Variants in INVS observed in about 807,000 individuals in gnomAD.
INVS encodes the protein inversin.
INVS carries 86 observed loss-of-function variants against 108.8 expected under a neutral mutation model. That is an observed-to-expected ratio of 0.79 (90% CI 0.66 to 0.95). The LOEUF (loss-of-function observed/expected upper bound fraction) is 0.95. INVS is among the 40% of genes least tolerant of loss of function. INVS has a pLI of 0.00. For missense variants in INVS, 1,169 were observed against 1,297.4 expected, an observed-to-expected ratio of 0.90 and a Z score of 1.52; for synonymous variants, 455 against 473.5, an observed-to-expected ratio of 0.96 and a Z score of 0.51.
At chr9:100,142,273 G>A (rs1044679518) in intron 3 of INVS, among the ~76,000 whole-genome samples, 1 of 152,180 alleles carries the variant, frequency 6.6e-6, no homozygotes, top group Non-Finnish European at 1.5e-5. Context: ...AAATATTGAC[G>A]CATAGTCCTT....
At chr9:100,204,585 A>G (rs1394185118) in intron 3 of INVS, among the ~76,000 whole-genome samples, 6 of 152,168 alleles carry the variant, frequency 3.9e-5, no homozygotes, top group Admixed American at 2.6e-4. Context: ...ATTCTCACAA[A>G]ATTCTTCAAT....
intron 3 of INVS, among the ~76,000 whole-genome samples, chr9:100,173,958 AGGT>A (rs1588060556): frequency 6.6e-6 from 1 of 152,356 alleles, no homozygotes; most frequent in East Asian, 1.9e-4. Context: ...GGTTCAGCCA[AGGT>A]ATCTGCCTGC....
Position 100,213,116 on chromosome 9 carries a change from G to A in INVS, c.274-12946G>A, listed in dbSNP as rs139353965. Among the ~76,000 whole-genome samples the A allele has an allele frequency of 3.2e-3, 470 of 148,512 alleles. 1 individual carries two copies. The highest frequency in any genetic ancestry group is 0.025 in the Middle Eastern group (7 of 284). ...TTAGGGGTACTAATCCCATTTATGA[G>A]CTCCACCCTCGTGATGTAATCATCT... On this transcript the variant is annotated intron_variant, in intron 3 of 16. Coordinates refer to ENST00000262457, the MANE Select transcript of INVS (RefSeq NM_014425.5).
rs571164374 is a variant in INVS, at chr9:100,276,554, G to A, written c.1784+3478G>A. On this transcript the variant is annotated intron_variant, in intron 12 of 16. Coordinates refer to ENST00000262457, the MANE Select transcript of INVS (RefSeq NM_014425.5). Reference sequence around the variant, plus strand: ...GAGACAGAGTCTTTCTGTCATCCAGGCTGGAGTGCAGTGGCTCGATCTCAG... The same window carrying A: ...GAGACAGAGTCTTTCTGTCATCCAGACTGGAGTGCAGTGGCTCGATCTCAG... 3.9e-5 allele frequency among the ~76,000 whole-genome samples: 6 copies of A among 152,128 alleles called. No individual in the cohort carries two copies. In the East Asian group the frequency reaches 1.2e-3, roughly 29 times the overall value.
rs1958178376 is a variant in INVS at position 100,297,098 on chromosome 9, A to T, written c.2968A>T (p.Thr990Ser). ...SKAPKSPSKG[T>S]SGTKSTKHSV... is the part of the protein sequence containing the mutation. ...GGCCCCCAAGAGTCCATCCAAGGGC[A>T]CCTCAGGCACAAAGTCCACCAAGCA... is the stretch of plus-strand genomic sequence containing the variant. The change falls in exon 15 of 17, where the codon ACC becomes TCC. Residue 990 changes from threonine (T) to serine (S), a missense_variant. Thr to Ser is a moderately conservative substitution (Grantham distance 58). Transcript: ENST00000262457. 1 of 1,613,960 alleles carries T rather than the reference A, an allele frequency of 6.2e-7. No individual in the cohort carries two copies. The highest frequency in any genetic ancestry group is 1.3e-5 in the African/African-American group (1 of 74,906).
chr9:100,099,402 C>T lies in INVS; in HGVS notation c.-39C>T, dbSNP rs1826740551. The stretch of plus-strand genomic sequence containing the variant: ...TGGAGCCGCCCCCGGGACGTCAGTC[C>T]TGGAGGAGGCGAGGGTGAGTAGGAG... On this transcript the variant is annotated 5_prime_UTR_variant, in exon 1 of 17. Transcript: ENST00000262457. The T allele has an allele frequency of 6.5e-6, 1 of 153,480 alleles. No individual in the cohort carries two copies. The highest frequency in any genetic ancestry group is 2.4e-5 in the African/African-American group (1 of 41,460). The allele number at this position is 153,480 out of a possible 1,614,324, so 9.5% of individuals were successfully genotyped here.
intron 11 of INVS, among the ~76,000 whole-genome samples, chr9:100,269,072 A>G (rs989084286): frequency 2.0e-5 from 3 of 152,206 alleles, no homozygotes; most frequent in Admixed American, 6.5e-5. Flanking sequence ...GATTTAAGAA[A>G]CAGTTTTATT....
In INVS at chr9:100,193,461, A is replaced by G. The variant is rs148874354; in HGVS notation, c.274-32601A>G. 2.5e-4 allele frequency among the ~76,000 whole-genome samples: 38 copies of G among 152,210 alleles called. No homozygotes were observed. In the East Asian group the frequency reaches 7.1e-3, roughly 29 times the overall value. On this transcript the variant is annotated intron_variant, in intron 3 of 16. Transcript: ENST00000262457. ...CCACTATTCCTTCTGCGTATTTAGTATTTTCTTGAATGTAATTGATATGTA... is the reference window on the plus strand; with the variant it reads ...CCACTATTCCTTCTGCGTATTTAGTGTTTTCTTGAATGTAATTGATATGTA...
intron 3 of INVS, among the ~76,000 whole-genome samples, chr9:100,189,997 T>G (rs1342507559): frequency 6.6e-6 from 1 of 152,224 alleles, no homozygotes; most frequent in African/African-American, 2.4e-5. Flanking sequence ...TGTCTAGTGC[T>G]GTCAGTGGAG....
intron 3 of INVS, among the ~76,000 whole-genome samples, chr9:100,135,638 G>A (rs1404780769): frequency 6.6e-6 from 1 of 152,132 alleles, no homozygotes; most frequent in Non-Finnish European, 1.5e-5. Flanking sequence ...AGCTCTTGAT[G>A]ACATGACTCA....
rs1833974546 is a variant in INVS, at chr9:100,301,673, G to GTGA, written c.*1001_*1003dup. Among the ~76,000 whole-genome samples the GTGA allele has an allele frequency of 6.6e-6, 1 of 151,676 alleles. No homozygotes were observed. Among genetic ancestry groups the GTGA allele is most frequent in the African/African-American group, 2.4e-5 (1 of 40,952 alleles). On this transcript the variant is annotated 3_prime_UTR_variant, in exon 17 of 17. Coordinates refer to ENST00000262457, the MANE Select transcript of INVS (RefSeq NM_014425.5). ...AGAATATTGACAGTAGGCATAAACA[G>GTGA]TGATATATTTTACTCACAGGTATTT...
chr9:100,162,787 A>T (rs1829231243), intron 3 of INVS, among the ~76,000 whole-genome samples: 1 of 151,600 alleles, frequency 6.6e-6, no homozygotes, highest in Middle Eastern at 3.4e-3. Context: ...AGATCATGCC[A>T]CTGCACTCCA....
rs1220121730 is a variant in INVS, at chr9:100,106,711, G to T, written c.106+2084G>T. 4.6e-5 allele frequency among the ~76,000 whole-genome samples: 7 copies of T among 152,110 alleles called. No individual in the cohort carries two copies. The East Asian group carries it at 1.3e-3, about 29-fold the overall frequency. On this transcript the variant is annotated intron_variant, in intron 2 of 16. Transcript: ENST00000262457. ...CATTTAGGTATACTGCCAGGCCTTGGTTCTTCCATTCTCAACATGATGCTT... is the reference window on the plus strand; with the variant it reads ...CATTTAGGTATACTGCCAGGCCTTGTTTCTTCCATTCTCAACATGATGCTT...
intron 3 of INVS, among the ~76,000 whole-genome samples, chr9:100,144,590 C>G (rs534344328): frequency 2.8e-4 from 42 of 152,278 alleles, no homozygotes; most frequent in African/African-American, 1.0e-3. Flanking sequence ...ATGCCTTTAG[C>G]TCCAGCCACT....
At chr9:100,177,348 C>T (rs189959720) in intron 3 of INVS, among the ~76,000 whole-genome samples, 17 of 152,286 alleles carry the variant, frequency 1.1e-4, no homozygotes, top group South Asian at 6.2e-4. Flanking sequence ...CCCACTCCCA[C>T]GGAGCCCAGC....
At chr9:100,185,348 C>A (rs1344042404) in intron 3 of INVS, among the ~76,000 whole-genome samples, 1 of 151,476 alleles carries the variant, frequency 6.6e-6, no homozygotes, top group African/African-American at 2.4e-5. Context: ...TTAGGCAACA[C>A]CAGAAAGTTC....
chr9:100,253,978 T>G (rs1393458346), intron 10 of INVS, among the ~76,000 whole-genome samples: 5 of 152,258 alleles, frequency 3.3e-5, no homozygotes, highest in East Asian at 1.9e-4. Context: ...CTAGATCCTT[T>G]AGGAGTCGCC....
chr9:100,154,632 C>A (rs1280657891), intron 3 of INVS, among the ~76,000 whole-genome samples: 1 of 151,832 alleles, frequency 6.6e-6, no homozygotes, highest in East Asian at 1.9e-4. Flanking sequence ...GTATGATATT[C>A]TCTATTTTAT....
rs1832262111 is a variant in INVS, at chr9:100,252,325, A to G, written c.1121A>G (p.Lys374Arg). ...AALSGHVSTV[K>R]LLLENNAQVD... is the part of the protein sequence containing the mutation. Reference sequence around the variant, plus strand: ...CTTTCTGGCCATGTCAGCACCGTGAAGTTATTACTGGAAAATAATGCTCAA... The same window carrying G: ...CTTTCTGGCCATGTCAGCACCGTGAGGTTATTACTGGAAAATAATGCTCAA... Residue 374 changes from lysine to arginine, a missense_variant, in exon 9 of 17, where the codon AAG becomes AGG. Physicochemically the swap from Lys to Arg is conservative, Grantham distance 26 (BLOSUM62 2). Coordinates refer to ENST00000262457, the MANE Select transcript of INVS (RefSeq NM_014425.5). 6.2e-7 allele frequency: 1 copy of G among 1,614,106 alleles called. No individual in the cohort carries two copies. The highest frequency in any genetic ancestry group is 8.5e-7 in the Non-Finnish European group (1 of 1,179,966).
Sources: allele counts gnomAD v4.1 joint callset (sites outside exome capture counted in the v4.1 genomes callset), GRCh38; gene constraint gnomAD v4.1.1; transcripts MANE v1.5; gene names NCBI Gene and HGNC (gene_info 2026-07-23, HGNC 2026-07-21).